FBH1: variants seen among roughly 807,000 people sequenced by gnomAD.
The protein encoded by FBH1 is F-box DNA helicase 1, also known as DNA 3'-5' helicase 1.
FBH1 carries 43 observed loss-of-function variants against 115.5 expected under a neutral mutation model. The observed-to-expected ratio is 0.37, with a 90% CI of 0.29 to 0.48. The LOEUF (loss-of-function observed/expected upper bound fraction) is 0.48. FBH1 is among the 20% of genes least tolerant of loss of function. The pLI, the probability that FBH1 is intolerant of heterozygous loss-of-function variation, is 0.99. For synonymous variants in FBH1, 524 were observed against 507.8 expected (o/e 1.03, Z -0.43); for missense variants, 1,001 against 1,337.3 (o/e 0.75, Z 3.92).
At chr10:5,890,780 C>T (rs938026114) in intron 1 of FBH1, among the ~76,000 whole-genome samples, 14 of 152,164 alleles carry the variant, frequency 9.2e-5, no homozygotes. Context: ...CTCTGCCCCT[C>T]CTCTGAGCAT....
intron 2 of FBH1, 151 bp from the exon 3 acceptor site, chr10:5,905,886 T>TA (rs1843660834): frequency 3.3e-6 from 2 of 599,674 alleles, no homozygotes; most frequent in Non-Finnish European, 6.0e-6. Context: ...TTGGATTAGT[T>TA]ATTTATATAA....
In FBH1 at chr10:5,911,341, C is replaced by T. The variant is rs554162114; in HGVS notation, c.1211+213C>T. Among the ~76,000 whole-genome samples the T allele has an allele frequency of 2.6e-5, 4 of 152,318 alleles. No homozygotes were observed. Among genetic ancestry groups the T allele is most frequent in the African/African-American group, 9.6e-5 (4 of 41,564 alleles). ...CGCCTTATGAACGTGCAGTTCTGAG[C>T]GGCTGCGAGATACCACTAAGGCTGA... is the stretch of plus-strand genomic sequence containing the variant. On this transcript the variant is annotated intron_variant, in intron 6 of 20. Transcript: ENST00000362091. This position sits in a 1 kb window ranked among gnomAD's most constrained non-coding sequence, Gnocchi z 5.4.
chr10:5,912,349 T>G (rs1589079388), intron 6 of FBH1, among the ~76,000 whole-genome samples: 11 of 142,422 alleles, frequency 7.7e-5, no homozygotes, highest in Middle Eastern at 3.6e-3. Context: ...GGCAACAGAG[T>G]GAGGCTCTGT....
rs1318619497 is a variant in FBH1, at chr10:5,917,565, A to G, written c.1877-25A>G. 6.2e-7 allele frequency: 1 copy of G among 1,613,448 alleles called. No homozygotes were observed. The highest frequency in any genetic ancestry group is 2.2e-5 in the East Asian group (1 of 44,878). On this transcript the variant is annotated intron_variant, in intron 11 of 20. Transcript: ENST00000362091. The surrounding 1 kb of genome is among the most constrained non-coding windows in gnomAD (Gnocchi z 5.6). ...ATGGGACTGCCTTCCTGGCGTTACA[A>G]CTCCTGCGTCTCTCCTTATTTTAGG...
In FBH1 at chr10:5,927,484, A is replaced by G. The variant is rs1464093567; in HGVS notation, c.2772A>G (p.Arg924=). Residue 924 remains arginine (R), a synonymous_variant, in exon 19 of 21, where the codon CGA becomes CGG. Transcript: ENST00000362091. ...EWNLLYVAVT[R]AKKRLIMTKS... Reference sequence around the variant, plus strand: ...ATTTACTGTATGTTGCAGTAACTCGAGCCAAGAAGCGTCTCATCATGACCA... The same window carrying G: ...ATTTACTGTATGTTGCAGTAACTCGGGCCAAGAAGCGTCTCATCATGACCA... 1.2e-6 allele frequency: 2 copies of G among 1,613,884 alleles called. No homozygotes were observed. Among genetic ancestry groups the G allele is most frequent in the African/African-American group, 1.3e-5 (1 of 75,006 alleles).
At chr10:5,926,411 G>A (rs1832656262) in intron 18 of FBH1, among the ~76,000 whole-genome samples, 1 of 152,250 alleles carries the variant, frequency 6.6e-6, no homozygotes, top group Non-Finnish European at 1.5e-5. Context: ...ACCATGCCTG[G>A]CCTTGTCTGC....
intron 1 of FBH1, among the ~76,000 whole-genome samples, chr10:5,901,843 C>T (rs1328184024): frequency 6.6e-6 from 1 of 151,962 alleles, no homozygotes; most frequent in East Asian, 1.9e-4. Flanking sequence ...GGATTACAGG[C>T]GTGAGCCACT....
Position 5,917,459 on chromosome 10 carries a change from C to T in FBH1, c.1828C>T (p.Arg610Trp). Residue 610 changes from arginine to tryptophan, a missense_variant, in exon 11 of 21, where the codon CGG becomes TGG. By Grantham distance (101) the Arg-to-Trp change is moderately radical (BLOSUM62 -3). Transcript: ENST00000362091. The surrounding 1 kb of genome is among the most constrained non-coding windows in gnomAD (Gnocchi z 5.6). ...LEASRLWDNMRKLGECTEEAH... is the reference protein window; with the variant it reads ...LEASRLWDNMWKLGECTEEAH... ...AGCGAGCCGCCTCTGGGATAACATG[C>T]GGAAGCTGGGGGAGTGCACAGAAGA... is the stretch of plus-strand genomic sequence containing the variant. 2 of 1,614,186 alleles carry T rather than the reference C, an allele frequency of 1.2e-6. No individual in the cohort carries two copies. Among genetic ancestry groups the T allele is most frequent in the East Asian group, 2.2e-5 (1 of 44,882 alleles).
In FBH1 at chr10:5,909,286, G is replaced by T; in HGVS notation, c.1012G>T (p.Ala338Ser). Residue 338 changes from alanine (A) to serine (S), a missense_variant, in exon 5 of 21, where the codon GCT becomes TCT. Physicochemically the swap from Ala to Ser is moderately conservative, Grantham distance 99 (BLOSUM62 1). Around this residue, in one of 4 missense-constraint regions of FBH1, gnomAD observed 59 missense variants for 79.7 expected, o/e 0.74. Coordinates refer to ENST00000362091, the MANE Select transcript of FBH1 (RefSeq NM_178150.3). This position sits in a 1 kb window ranked among gnomAD's most constrained non-coding sequence, Gnocchi z 4.4. ...GCAACACCTCCCCGACCTCTACGCT[G>T]CTGCCGGGGTAGGTCTGGAGGCTGC... Reference protein sequence around the residue: ...VRQHLPDLYAAAGGVNIWALV... With the variant: ...VRQHLPDLYASAGGVNIWALV... The T allele has an allele frequency of 6.2e-7, 1 of 1,609,836 alleles. No homozygotes were observed.
At chr10:5,926,725 T>C (rs902032031) in intron 18 of FBH1, among the ~76,000 whole-genome samples, 8 of 152,234 alleles carry the variant, frequency 5.3e-5, no homozygotes, top group Non-Finnish European at 1.0e-4. Context: ...CTGGTTTACA[T>C]GTTTACAAAT....
chr10:5,892,056 G>A (rs1842763669), intron 1 of FBH1, among the ~76,000 whole-genome samples: 1 of 118,364 alleles, frequency 8.4e-6, no homozygotes, highest in Non-Finnish European at 1.8e-5. Flanking sequence ...AATCTGTCCC[G>A]CAGCTCCTGT....
rs1010342333 is a variant in FBH1, at chr10:5,928,072, C to CAAA, written c.2829+553_2829+555dup. Among the ~76,000 whole-genome samples, 12 of 24,730 alleles carry CAAA rather than the reference C, an allele frequency of 4.9e-4. 1 individual carries two copies. The highest frequency in any genetic ancestry group is 8.2e-4 in the African/African-American group (7 of 8,556). 16.2% of individuals were successfully genotyped at this position (24,730 alleles called of 152,430 possible). ...TGGGTGACAGAGCGAGACTCCATCT[C>CAAA]AAAAAAAAAAAAAAAAAAAAAAAAG... On this transcript the variant is annotated intron_variant, in intron 19 of 20. Transcript: ENST00000362091.
At position 5,932,781 on chromosome 10, in the gene FBH1, A is replaced by G. The variant is rs1466311331; in HGVS notation, c.2830-3675A>G. Among the ~76,000 whole-genome samples, 2 of 152,116 alleles carry G rather than the reference A, an allele frequency of 1.3e-5. No homozygotes were observed. The highest frequency in any genetic ancestry group is 4.8e-5 in the African/African-American group (2 of 41,420). Reference sequence around the variant, plus strand: ...CACCCAGGCTGGAATATGGCGGCACAATCTTGGCCCACTGCAACCTCCGCC... The same window carrying G: ...CACCCAGGCTGGAATATGGCGGCACGATCTTGGCCCACTGCAACCTCCGCC... On this transcript the variant is annotated intron_variant, in intron 19 of 20. Coordinates refer to ENST00000362091, the MANE Select transcript of FBH1 (RefSeq NM_178150.3). This position sits in a 1 kb window ranked among gnomAD's most constrained non-coding sequence, Gnocchi z 5.9.
chr10:5,903,595 C>T (rs138355751), intron 2 of FBH1, among the ~76,000 whole-genome samples: 1,791 of 152,214 alleles, frequency 0.012, 38 homozygotes, highest in African/African-American at 0.041. Flanking sequence ...TCCCAAACTG[C>T]TGGGATTACA....
Position 5,909,913 on chromosome 10 carries a change from G to C in FBH1, c.1020+619G>C, listed in dbSNP as rs563540393. 6.6e-6 allele frequency among the ~76,000 whole-genome samples: 1 copy of C among 152,330 alleles called. No homozygotes were observed. Among genetic ancestry groups the C allele is most frequent in the African/African-American group, 2.4e-5 (1 of 41,574 alleles). ...TGGTGGAGTGGGTCTTCTTTCACAG[G>C]ATGGTTGAAGTGAGAGGGGATGGGA... is the stretch of plus-strand genomic sequence containing the variant. On this transcript the variant is annotated intron_variant, in intron 5 of 20. Coordinates refer to ENST00000362091, the MANE Select transcript of FBH1 (RefSeq NM_178150.3). The surrounding 1 kb of genome is among the most constrained non-coding windows in gnomAD (Gnocchi z 4.4).
intron 1 of FBH1, chr10:5,890,999 G>A: frequency 4.6e-6 from 1 of 215,728 alleles, no homozygotes; most frequent in Non-Finnish European, 7.9e-6. Flanking sequence ...AACGAGTGCC[G>A]TTTACATTTT....
At position 5,937,506 on chromosome 10, in the gene FBH1, T is replaced by C. The variant is rs191077675; in HGVS notation, c.*226T>C. 2,333 of 357,424 alleles carry C rather than the reference T, an allele frequency of 6.5e-3. 14 individuals carry two copies. Among genetic ancestry groups the C allele is most frequent in the Non-Finnish European group, 9.2e-3 (1,952 of 213,202 alleles). 22.1% of individuals were successfully genotyped at this position (357,424 alleles called of 1,614,324 possible). The stretch of plus-strand genomic sequence containing the variant: ...TGTATCTGGTCAGGGAAGTGGGGGA[T>C]GTTCTTTTGATAAAAAAAAAAAAAA... On this transcript the variant is annotated 3_prime_UTR_variant, in exon 21 of 21. Transcript: ENST00000362091.
chr10:5,936,723 C>T lies in FBH1; in HGVS notation c.2961+136C>T, dbSNP rs2274032. 0.013 allele frequency: 15,407 copies of T among 1,146,014 alleles called. 242 individuals are homozygous for T. The highest frequency in any genetic ancestry group is 0.047 in the South Asian group (3,236 of 69,456). The allele number at this position is 1,146,014 out of a possible 1,614,324, so 71.0% of individuals were successfully genotyped here. ...TATTAGGGGCTTTTCATATGAGAGG[C>T]ACAAGAGGTGTGTGGTCTGTCCCAG... is the stretch of plus-strand genomic sequence containing the variant. On this transcript the variant is annotated intron_variant, in intron 20 of 20. Transcript: ENST00000362091. This position sits in a 1 kb window ranked among gnomAD's most constrained non-coding sequence, Gnocchi z 5.6.
chr10:5,937,096 G>A lies in FBH1; in HGVS notation c.2962-14G>A, dbSNP rs375529656. The A allele has an allele frequency of 7.6e-6, 12 of 1,583,354 alleles. No homozygotes were observed. The highest frequency in any genetic ancestry group is 1.4e-5 in the African/African-American group (1 of 73,908). ...GTTGTTCCCCTTAGCTCTCTCTCTT[G>A]TCCATCACCACAGAGCAACAGGAAG... is the stretch of plus-strand genomic sequence containing the variant. On this transcript the variant is annotated splice_polypyrimidine_tract_variant and intron_variant, in intron 20 of 20. Transcript: ENST00000362091.
Sources: allele counts gnomAD v4.1 joint callset (sites outside exome capture counted in the v4.1 genomes callset), GRCh38; gene constraint gnomAD v4.1.1; regional missense constraint gnomAD v4.1.1; non-coding constraint Gnocchi (gnomAD v3.1); transcripts MANE v1.5; gene names NCBI Gene and HGNC (gene_info 2026-07-23, HGNC 2026-07-21).